DLC1: variants seen among roughly 807,000 people sequenced by gnomAD.
DLC1 encodes DLC1 Rho GTPase activating protein, also known as rho GTPase-activating protein 7.
DLC1 carries 54 observed loss-of-function variants against 140.3 expected under a neutral mutation model. The ratio of observed to expected loss-of-function variants is 0.38; its 90% CI spans 0.31 to 0.48. The LOEUF is 0.48. DLC1 is among the 20% of genes least tolerant of loss of function. The pLI is 0.96. For missense variants in DLC1, 2,536 were observed against 1,907.0 expected, an observed-to-expected ratio of 1.33 and a Z score of -6.14; for synonymous variants, 986 against 728.1, an observed-to-expected ratio of 1.35 and a Z score of -5.70.
At chr8:13,216,993 G>A (rs1563172138) in intron 5 of DLC1, among the ~76,000 whole-genome samples, 1 of 152,036 alleles carries the variant, frequency 6.6e-6, no homozygotes, top group Non-Finnish European at 1.5e-5. Context: ...GTCCTTGAAG[G>A]TGTTCTGTGC....
At chr8:13,479,867 G>GAAGAAGAGAA (rs1563383663) in intron 2 of DLC1, among the ~76,000 whole-genome samples, 5 of 14,042 alleles carry the variant, frequency 3.6e-4, no homozygotes, top group African/African-American at 8.4e-4. Flanking sequence ...AAGAGAAAAA[G>GAAGAAGAGAA]AAAGAAAGAA....
At chr8:13,356,453 T>C (rs1305783048) in intron 4 of DLC1, among the ~76,000 whole-genome samples, 1 of 152,228 alleles carries the variant, frequency 6.6e-6, no homozygotes, top group Non-Finnish European at 1.5e-5. Flanking sequence ...ATGTATTTTT[T>C]ACCATACGAA....
chr8:13,216,558 G>A (rs1828209067), intron 5 of DLC1, among the ~76,000 whole-genome samples: 1 of 152,128 alleles, frequency 6.6e-6, no homozygotes, highest in Non-Finnish European at 1.5e-5. Flanking sequence ...AACGTGCCAA[G>A]ACTTCATAGT....
intron 1 of DLC1, among the ~76,000 whole-genome samples, chr8:13,504,651 G>A (rs1411793232): frequency 1.3e-5 from 2 of 152,172 alleles, no homozygotes; most frequent in East Asian, 3.9e-4. Context: ...GATATATTAG[G>A]AGCTGGGAAT....
At chr8:13,454,582 G>T (rs998161514) in intron 2 of DLC1, among the ~76,000 whole-genome samples, 14 of 152,146 alleles carry the variant, frequency 9.2e-5, no homozygotes, top group African/African-American at 3.4e-4. Context: ...CAGAGATAGG[G>T]TCTTGCTCTG....
At chr8:13,162,784 C>T (rs574894371) in intron 5 of DLC1, among the ~76,000 whole-genome samples, 18 of 152,140 alleles carry the variant, frequency 1.2e-4, no homozygotes, top group African/African-American at 3.9e-4. Flanking sequence ...TACGCCTCCC[C>T]AGCCCCCTCA....
At chr8:13,521,509 C>A (rs1802767250) in intron 1 of DLC1, among the ~76,000 whole-genome samples, 1 of 152,144 alleles carries the variant, frequency 6.6e-6, no homozygotes, top group South Asian at 2.1e-4. Flanking sequence ...TCTCCTACAC[C>A]CTCTGCTCCC....
chr8:13,089,607 A>G (rs535700525), intron 15 of DLC1, among the ~76,000 whole-genome samples: 2 of 152,248 alleles, frequency 1.3e-5, no homozygotes, highest in African/African-American at 2.4e-5. Flanking sequence ...CCTGGGTGAC[A>G]GAGCAAGACT....
chr8:13,141,256 CAAAAAAAAAAAAAAAA>C (rs34321250), intron 5 of DLC1, among the ~76,000 whole-genome samples: 4 of 63,806 alleles, frequency 6.3e-5, no homozygotes, highest in African/African-American at 2.6e-4. Flanking sequence ...GAGTCTGTCT[CAAAAAAAAAAAAAAAA>C]AAAAAAAAAA....
At chr8:13,603,321 A>T (rs1358871261) in intron 1 of DLC1, among the ~76,000 whole-genome samples, 1 of 151,798 alleles carries the variant, frequency 6.6e-6, no homozygotes, top group African/African-American at 2.4e-5. Context: ...TCTTGGTAAT[A>T]TTAAAATGGT....
intron 5 of DLC1, among the ~76,000 whole-genome samples, chr8:13,200,772 G>T (rs570040871): frequency 1.3e-5 from 2 of 151,948 alleles, no homozygotes; most frequent in South Asian, 4.2e-4. Flanking sequence ...GTTTCAAATT[G>T]TTTTTTGTGG....
At chr8:13,516,740 A>T (rs1802601431), upstream of DLC1, among the ~76,000 whole-genome samples, 1 of 152,226 alleles carries the variant, frequency 6.6e-6, no homozygotes, top group African/African-American at 2.4e-5. Flanking sequence ...AAATTCTTTA[A>T]AAAGTATTTA....
At chr8:13,446,212 A>G (rs1676760131) in intron 2 of DLC1, among the ~76,000 whole-genome samples, 1 of 152,196 alleles carries the variant, frequency 6.6e-6, no homozygotes, top group East Asian at 1.9e-4. Context: ...TCAGGCTCTT[A>G]TGGTATCACT....
Position 13,305,318 on chromosome 8 carries a change from C to CA in DLC1, c.1315-17dup, listed in dbSNP as rs576139705. The CA allele has an allele frequency of 1.5e-5, 23 of 1,577,398 alleles. No homozygotes were observed. The South Asian group carries it at 2.7e-4, about 18-fold the overall frequency. ...CTTGAATAGCCTGAAAAAAAAGACA[C>CA]AAAAATTGTGGTATTATTAGGAAGA... On this transcript the variant is annotated splice_polypyrimidine_tract_variant and intron_variant, in intron 4 of 17. Coordinates refer to ENST00000276297, the MANE Select transcript of DLC1 (RefSeq NM_182643.3).
At chr8:13,185,344 G>A (rs1346797980) in intron 5 of DLC1, among the ~76,000 whole-genome samples, 1 of 148,442 alleles carries the variant, frequency 6.7e-6, no homozygotes, top group African/African-American at 2.5e-5. Context: ...GTCTCACTCT[G>A]TAGCCCAGGC....
chr8:13,433,543 A>G (rs770202305), intron 2 of DLC1, among the ~76,000 whole-genome samples: 1 of 152,248 alleles, frequency 6.6e-6, no homozygotes. Flanking sequence ...AAATCCAACT[A>G]TAAGTTCCAC....
At chr8:13,267,432 A>G (rs1313834276) in intron 5 of DLC1, among the ~76,000 whole-genome samples, 2 of 152,082 alleles carry the variant, frequency 1.3e-5, no homozygotes, top group Non-Finnish European at 2.9e-5. Flanking sequence ...TCACACTTCA[A>G]TCTGGACCTA....
At chr8:13,414,334 G>A (rs1270353150) in intron 2 of DLC1, among the ~76,000 whole-genome samples, 1 of 152,106 alleles carries the variant, frequency 6.6e-6, no homozygotes, top group Non-Finnish European at 1.5e-5. Context: ...ATCTTTATGT[G>A]TATAGACAAT....
chr8:13,445,637 G>C lies in DLC1; in HGVS notation c.1024-44018C>G, dbSNP rs289631. ...GAGGACAAAATTAGTATCTATGACA[G>C]ACCAGTGACTATAGACTTAACTGAA... On this transcript the variant is annotated intron_variant, in intron 2 of 17. Transcript: ENST00000276297. 2.5e-3 allele frequency among the ~76,000 whole-genome samples: 380 copies of C among 152,302 alleles called. 3 individuals carry two copies. Among genetic ancestry groups the C allele is most frequent in the African/African-American group, 8.5e-3 (352 of 41,582 alleles).
Sources: allele counts gnomAD v4.1 joint callset (sites outside exome capture counted in the v4.1 genomes callset), GRCh38; gene constraint gnomAD v4.1.1; transcripts MANE v1.5; gene names NCBI Gene and HGNC (gene_info 2026-07-23, HGNC 2026-07-21).